Variants in APBA2 observed in about 807,000 individuals in gnomAD.
APBA2 encodes amyloid-beta A4 precursor protein-binding family A member 2.
Under a neutral mutation model 75.0 loss-of-function variants are expected in APBA2, and 30 were observed. That is an observed-to-expected ratio of 0.40 (90% CI 0.30 to 0.54). The LOEUF (loss-of-function observed/expected upper bound fraction) is 0.54, where lower values mean the gene tolerates loss of function less well. Ranked by LOEUF, APBA2 falls within the 20% of genes least tolerant of loss-of-function variation. The pLI, the probability that APBA2 is intolerant of heterozygous loss-of-function variation, is 0.49. For missense variants in APBA2, 801 were observed against 1,016.1 expected (o/e 0.79, Z 2.88); for synonymous variants, 444 against 409.6 (o/e 1.08, Z -1.01).
chr15:28,947,329 T>C (rs1471646876), intron 2 of APBA2, among the ~76,000 whole-genome samples: 1 of 152,200 alleles, frequency 6.6e-6, no homozygotes, highest in Admixed American at 6.5e-5. Flanking sequence ...GTGTATTGGC[T>C]GCATGCTGAC....
intron 3 of APBA2, among the ~76,000 whole-genome samples, chr15:29,028,407 T>C (rs1343730236): frequency 1.3e-5 from 2 of 152,212 alleles, no homozygotes; most frequent in African/African-American, 4.8e-5. Context: ...AGTCTTTCAT[T>C]GATGGGCATT....
At chr15:28,903,415 G>A (rs2032971326) in intron 1 of APBA2, among the ~76,000 whole-genome samples, 1 of 152,190 alleles carries the variant, frequency 6.6e-6, no homozygotes, top group Admixed American at 6.5e-5. Context: ...CTGAGTAGCT[G>A]GTCGATCCAC....
At chr15:29,070,343 C>G (rs79663963) in intron 4 of APBA2, among the ~76,000 whole-genome samples, 1 of 152,172 alleles carries the variant, frequency 6.6e-6, no homozygotes, top group South Asian at 2.1e-4. Context: ...GTCTGGATAC[C>G]GGGATGCAGG....
intron 3 of APBA2, among the ~76,000 whole-genome samples, chr15:29,033,306 G>T (rs1000749795): frequency 2.0e-5 from 3 of 152,108 alleles, no homozygotes; most frequent in Non-Finnish European, 2.9e-5. Flanking sequence ...CTTGGTTTAT[G>T]TGGTAAGACC....
At chr15:29,097,600 C>T (rs2043912661) in intron 8 of APBA2, among the ~76,000 whole-genome samples, 1 of 152,240 alleles carries the variant, frequency 6.6e-6, no homozygotes, top group Non-Finnish European at 1.5e-5. Flanking sequence ...GGAGCATATA[C>T]ACATTGTGAA....
chr15:29,051,876 C>T (rs997147420), intron 3 of APBA2, among the ~76,000 whole-genome samples: 5 of 152,142 alleles, frequency 3.3e-5, no homozygotes, highest in African/African-American at 1.2e-4. Flanking sequence ...CCATCTGAGC[C>T]CAGATCCCTT....
intron 4 of APBA2, among the ~76,000 whole-genome samples, chr15:29,065,561 C>G (rs2042344326): frequency 6.6e-6 from 1 of 152,176 alleles, no homozygotes; most frequent in African/African-American, 2.4e-5. Flanking sequence ...CTACGCACAA[C>G]TCAGACATGT....
intron 2 of APBA2, among the ~76,000 whole-genome samples, chr15:28,941,346 A>G (rs578109163): frequency 1.8e-4 from 28 of 152,298 alleles, no homozygotes; most frequent in African/African-American, 6.0e-4. Flanking sequence ...CTATTCTAAC[A>G]GGGATCTCAT....
chr15:29,105,566 A>C lies in APBA2; in HGVS notation c.1704+8A>C, dbSNP rs2044357698. The C allele has an allele frequency of 6.2e-7, 1 of 1,612,744 alleles. No homozygotes were observed. The highest frequency in any genetic ancestry group is 8.5e-7 in the Non-Finnish European group (1 of 1,179,918). ...TCGGAGAACTGCAAGGAGGTAAGCC[A>C]CACCCACCAGCCTCAGGGAGGCCAC... is the stretch of plus-strand genomic sequence containing the variant. On this transcript the variant is annotated splice_region_variant and intron_variant, in intron 11 of 14. Transcript: ENST00000683413.
intron 2 of APBA2, among the ~76,000 whole-genome samples, chr15:28,960,365 A>G (rs1484705753): frequency 6.6e-6 from 1 of 151,778 alleles, no homozygotes; most frequent in Non-Finnish European, 1.5e-5. Context: ...TTAGAGGCTG[A>G]GGCAGGAGGA....
chr15:29,070,223 A>G (rs2042559005), intron 4 of APBA2, among the ~76,000 whole-genome samples: 1 of 152,216 alleles, frequency 6.6e-6, no homozygotes. Flanking sequence ...AATGGTTAAG[A>G]TAGTATATTT....
At chr15:28,904,254 G>A (rs1232388094) in intron 1 of APBA2, among the ~76,000 whole-genome samples, 2 of 152,082 alleles carry the variant, frequency 1.3e-5, no homozygotes, top group Non-Finnish European at 2.9e-5. Context: ...GGGCACCCCG[G>A]CTCCCAGCAT....
In APBA2 at chr15:29,039,168, T is replaced by G. The variant is rs914696226; in HGVS notation, c.-40-14677T>G. 7.0e-5 allele frequency among the ~76,000 whole-genome samples: 10 copies of G among 142,904 alleles called. No homozygotes were observed. In the East Asian group the frequency reaches 1.9e-3, roughly 27 times the overall value. The allele number at this position is 142,904 out of a possible 152,430, so 93.8% of individuals were successfully genotyped here. A position where few individuals can be genotyped will look rare whatever the true frequency, so the allele number is the denominator to read the frequency against. ...GTGTGTGTGTGTGTATCAGGGTTGC[T>G]GCTGAGGAGTTGCATTGCTTCCCTA... On this transcript the variant is annotated intron_variant, in intron 3 of 14. Coordinates refer to ENST00000683413, the MANE Select transcript of APBA2 (RefSeq NM_001353788.2).
chr15:28,930,705 C>T (rs752182617), intron 2 of APBA2, among the ~76,000 whole-genome samples: 18 of 152,186 alleles, frequency 1.2e-4, no homozygotes, highest in African/African-American at 1.7e-4. Context: ...GCAGATGTTT[C>T]ACTTGGACTT....
At chr15:28,919,847 C>G (rs1372862665) in intron 1 of APBA2, among the ~76,000 whole-genome samples, 1 of 152,118 alleles carries the variant, frequency 6.6e-6, no homozygotes, top group South Asian at 2.1e-4. Flanking sequence ...CCCGTTTGTC[C>G]GTGGGATAAG....
chr15:28,906,633 T>TGACACTCTCTGGACATC (rs1446053549), intron 1 of APBA2, among the ~76,000 whole-genome samples: 1 of 152,216 alleles, frequency 6.6e-6, no homozygotes, highest in Non-Finnish European at 1.5e-5. Context: ...GTGTCCCCAC[T>TGACACTCTCTGGACATC]GACACTCTCT....
intron 6 of APBA2, among the ~76,000 whole-genome samples, chr15:29,091,237 A>G (rs2043555750): frequency 6.6e-6 from 1 of 151,916 alleles, no homozygotes; most frequent in South Asian, 2.1e-4. Context: ...CCGTGGGAGG[A>G]CCCCATTGAT....
At chr15:29,065,566 A>G (rs773612251) in intron 4 of APBA2, among the ~76,000 whole-genome samples, 2 of 152,140 alleles carry the variant, frequency 1.3e-5, no homozygotes, top group African/African-American at 2.4e-5. Flanking sequence ...CACAACTCAG[A>G]CATGTGGAGA....
chr15:29,106,559 C>T (rs753182793), intron 11 of APBA2, 48 bp from the exon 12 acceptor site: 3 of 1,604,268 alleles, frequency 1.9e-6, no homozygotes, highest in South Asian at 2.2e-5. Flanking sequence ...TTGGCAGAGG[C>T]CTCGGTCCTT....
Sources: gnomAD v4.1 joint callset for allele counts (sites outside exome capture counted in the v4.1 genomes callset) on GRCh38, gnomAD v4.1.1 for gene constraint, MANE v1.5 for transcripts, NCBI Gene and HGNC (gene_info 2026-07-23, HGNC 2026-07-21) for gene names.